Variants in HSD17B12 observed in about 807,000 individuals in gnomAD.
HSD17B12 encodes the protein hydroxysteroid 17-beta dehydrogenase 12, also known as very-long-chain 3-oxoacyl-CoA reductase.
In HSD17B12, 32 loss-of-function variants were observed where a neutral mutation model predicts 39.3. The ratio of observed to expected loss-of-function variants is 0.81; its 90% CI spans 0.61 to 1.09. The LOEUF (loss-of-function observed/expected upper bound fraction) is 1.09, where lower values mean the gene tolerates loss of function less well. Ranked by LOEUF, HSD17B12 falls within the 50% of genes least tolerant of loss-of-function variation. The probability of loss-of-function intolerance (pLI) is 0.00; values close to 1 mark genes in which losing one functional copy is unlikely to be tolerated. For missense variants in HSD17B12, 342 were observed against 382.9 expected (o/e 0.89, Z 0.89); for synonymous variants, 150 against 146.7 (o/e 1.02, Z -0.16).
At chr11:43,846,025 A>T (rs1357967040) in intron 9 of HSD17B12, among the ~76,000 whole-genome samples, 1 of 152,232 alleles carries the variant, frequency 6.6e-6, no homozygotes, top group Non-Finnish European at 1.5e-5. Flanking sequence ...TGGTTTTATG[A>T]AAACTGCATT....
At chr11:43,656,940 A>T in the HSD17B12 span, among the ~76,000 whole-genome samples, 1 of 152,050 alleles carries the variant, frequency 6.6e-6, no homozygotes, top group East Asian at 1.9e-4. Context: ...AGCTGAGTTC[A>T]ATTCCTGGGT....
the HSD17B12 span, among the ~76,000 whole-genome samples, chr11:43,570,590 T>C: frequency 6.6e-6 from 1 of 152,176 alleles, no homozygotes; most frequent in Non-Finnish European, 1.5e-5. Flanking sequence ...ATTTGTCCTC[T>C]ATTGGTCCCT....
At chr11:43,616,418 C>A in the HSD17B12 span, among the ~76,000 whole-genome samples, 20,104 of 53,722 alleles carry the variant, frequency 0.37, 3,680 homozygotes, top group East Asian at 0.46. Context: ...AAAAAAAAAA[C>A]AAAAAACAAA....
rs1401991772 is a variant in HSD17B12 at position 43,685,014 on chromosome 11, C to G, written c.160+4027C>G. ...TTTGCATAATGTTTTCAAGTTTCATCTATGAAATCTGTACTTCATTTTGTT... is the reference window on the plus strand; with the variant it reads ...TTTGCATAATGTTTTCAAGTTTCATGTATGAAATCTGTACTTCATTTTGTT... On this transcript the variant is annotated intron_variant, in intron 1 of 10. Coordinates refer to ENST00000278353, the MANE Select transcript of HSD17B12 (RefSeq NM_016142.3). 1.3e-5 allele frequency among the ~76,000 whole-genome samples: 2 copies of G among 152,272 alleles called. 1 individual carries two copies. The highest frequency in any genetic ancestry group is 4.8e-5 in the African/African-American group (2 of 41,562).
At chr11:43,616,948 G>T in the HSD17B12 span, among the ~76,000 whole-genome samples, 1 of 150,396 alleles carries the variant, frequency 6.6e-6, no homozygotes, top group Non-Finnish European at 1.5e-5. Flanking sequence ...CTCCAGCCTG[G>T]GTGGCAGAAC....
intron 3 of HSD17B12, among the ~76,000 whole-genome samples, chr11:43,770,268 T>C (rs1025455850): frequency 3.3e-5 from 5 of 152,234 alleles, no homozygotes; most frequent in Admixed American, 6.5e-5. Flanking sequence ...ACAGGATCTG[T>C]TAACCCTGGG....
chr11:43,679,572 G>GC (rs550605636), upstream of HSD17B12, among the ~76,000 whole-genome samples: 180 of 151,900 alleles, frequency 1.2e-3, no homozygotes, highest in African/African-American at 4.0e-3. Flanking sequence ...ACACTTCTGT[G>GC]CCCCCTGGAA....
At chr11:43,845,378 A>G (rs1012851769) in intron 9 of HSD17B12, among the ~76,000 whole-genome samples, 3 of 152,176 alleles carry the variant, frequency 2.0e-5, no homozygotes, top group Non-Finnish European at 4.4e-5. Flanking sequence ...ATTTGTGCCC[A>G]ATTTTTGATC....
At chr11:43,820,317 G>GT (rs1353123424) in intron 6 of HSD17B12, among the ~76,000 whole-genome samples, 2 of 152,166 alleles carry the variant, frequency 1.3e-5, no homozygotes, top group African/African-American at 4.8e-5. Context: ...TGATGCATGT[G>GT]TTTTTCTTAC....
At chr11:43,776,739 G>A (rs1404584825) in intron 3 of HSD17B12, among the ~76,000 whole-genome samples, 1 of 152,160 alleles carries the variant, frequency 6.6e-6, no homozygotes, top group Non-Finnish European at 1.5e-5. Flanking sequence ...ACGGTTTTAG[G>A]TCTAACGTTT....
intron 3 of HSD17B12, among the ~76,000 whole-genome samples, chr11:43,789,279 G>A (rs1466416515): frequency 6.6e-6 from 1 of 152,242 alleles, no homozygotes; most frequent in African/African-American, 2.4e-5. Context: ...CCTATTTGAG[G>A]GTATTTGTTA....
intron 1 of HSD17B12, among the ~76,000 whole-genome samples, chr11:43,690,892 C>T (rs1305693200): frequency 6.6e-6 from 1 of 152,140 alleles, no homozygotes; most frequent in Non-Finnish European, 1.5e-5. Flanking sequence ...CTACTGAGAA[C>T]ACTACCTGAC....
At chr11:43,707,918 G>A (rs1395740090) in intron 1 of HSD17B12, among the ~76,000 whole-genome samples, 1 of 152,214 alleles carries the variant, frequency 6.6e-6, no homozygotes, top group Non-Finnish European at 1.5e-5. Context: ...TGGAGGCTGG[G>A]AAGTCCAAGA....
At chr11:43,848,898 C>T (rs1391668304) in intron 9 of HSD17B12, among the ~76,000 whole-genome samples, 1 of 152,186 alleles carries the variant, frequency 6.6e-6, no homozygotes, top group Non-Finnish European at 1.5e-5. Flanking sequence ...TCTGAGCCAC[C>T]ATCATAGCTT....
chr11:43,678,203 A>G (rs1205547752), upstream of HSD17B12, among the ~76,000 whole-genome samples: 1 of 149,528 alleles, frequency 6.7e-6, no homozygotes, highest in Non-Finnish European at 1.5e-5. Context: ...GCATTTTTTC[A>G]TGTGTCTGTT....
At position 43,815,437 on chromosome 11, in the gene HSD17B12, T is replaced by A. The variant is rs763391325; in HGVS notation, c.392T>A (p.Val131Glu). The change falls in exon 5 of 11, where the codon GTG becomes GAG. Residue 131 changes from valine to glutamate, a missense_variant and splice_region_variant. Coordinates refer to ENST00000278353, the MANE Select transcript of HSD17B12 (RefSeq NM_016142.3). ...AGCTAATCATCTTGTTCTATTTCAG[T>A]GAACAACGTGGGAATGTCGTATGAG... ...GLAGLEIGIL[V>E]NNVGMSYEYP... 1 of 1,558,680 alleles carries A rather than the reference T, an allele frequency of 6.4e-7. No individual in the cohort carries two copies. The highest frequency in any genetic ancestry group is 2.3e-5 in the East Asian group (1 of 44,262).
intron 1 of HSD17B12, among the ~76,000 whole-genome samples, chr11:43,689,476 A>C (rs758605034): frequency 6.6e-6 from 1 of 152,216 alleles, no homozygotes; most frequent in Non-Finnish European, 1.5e-5. Flanking sequence ...TCACCCACTC[A>C]GATTAAAACT....
chr11:43,767,956 A>G (rs1383868819), intron 3 of HSD17B12, among the ~76,000 whole-genome samples: 1 of 152,198 alleles, frequency 6.6e-6, no homozygotes, highest in Non-Finnish European at 1.5e-5. Context: ...TGTTTGGAAA[A>G]CATACTCCTC....
chr11:43,561,659 C>G, the HSD17B12 span, among the ~76,000 whole-genome samples: 14 of 151,964 alleles, frequency 9.2e-5, no homozygotes, highest in African/African-American at 3.4e-4. Context: ...CCTTTCTAGC[C>G]TGTTCCTTCA....
Sources: gnomAD v4.1 joint callset for allele counts (sites outside exome capture counted in the v4.1 genomes callset) on GRCh38, gnomAD v4.1.1 for gene constraint, MANE v1.5 for transcripts, NCBI Gene and HGNC (gene_info 2026-07-23, HGNC 2026-07-21) for gene names.